DNAH17: variants seen among roughly 807,000 people sequenced by gnomAD.
The protein encoded by DNAH17 is dynein axonemal heavy chain 17, also known as axonemal beta dynein heavy chain 17.
A neutral mutation model predicts 485.6 loss-of-function variants in DNAH17; 376 were observed. The ratio of observed to expected loss-of-function variants is 0.77; its 90% CI spans 0.71 to 0.84. DNAH17 has a LOEUF of 0.84. DNAH17 is among the 40% of genes least tolerant of loss of function. The pLI, the probability that DNAH17 is intolerant of heterozygous loss-of-function variation, is 0.00. For synonymous variants in DNAH17, 3,031 were observed against 2,405.9 expected (o/e 1.26, Z -7.60); for missense variants, 6,370 against 5,839.3 (o/e 1.09, Z -2.96).
intron 51 of DNAH17, among the ~76,000 whole-genome samples, chr17:78,478,290 C>T (rs1382907280): frequency 7.1e-6 from 1 of 140,184 alleles, no homozygotes; most frequent in East Asian, 2.2e-4. Flanking sequence ...CCATTATCAT[C>T]TCCACCACCA....
At chr17:78,447,810 A>T (rs894265919) in intron 69 of DNAH17, among the ~76,000 whole-genome samples, 3 of 152,180 alleles carry the variant, frequency 2.0e-5, no homozygotes, top group Non-Finnish European at 4.4e-5. Context: ...CTGATGCCCA[A>T]CCTGTTTATA....
chr17:78,569,577 G>A (rs1346053316), intron 7 of DNAH17, 50 bp from the exon 8 acceptor site: 3 of 1,567,520 alleles, frequency 1.9e-6, no homozygotes, highest in African/African-American at 2.7e-5. Flanking sequence ...GCCATTTGGG[G>A]TGACGTCCAG....
At chr17:78,469,224 C>A (rs1378970252) in intron 54 of DNAH17, among the ~76,000 whole-genome samples, 1 of 152,202 alleles carries the variant, frequency 6.6e-6, no homozygotes. Flanking sequence ...TCACTGCAAG[C>A]TCCACCTCCC....
rs754262604 is a variant in DNAH17, at chr17:78,437,858, A to G, written c.11816T>C (p.Leu3939Pro). The G allele has an allele frequency of 7.5e-6, 12 of 1,608,974 alleles. No homozygotes were observed. The highest frequency in any genetic ancestry group is 9.3e-6 in the Non-Finnish European group (11 of 1,177,566). ...GHWVILQNIHLVARWLGTLDK... is the reference protein window; with the variant it reads ...GHWVILQNIHPVARWLGTLDK... ...CAGTGTTCCCAGCCACCGGGCCACC[A>G]GGTGGATATTCTGCAGCCAAGACTA... The change falls in exon 74 of 81, where the codon CTG becomes CCG. Residue 3939 changes from leucine to proline, a missense_variant. Physicochemically the swap from Leu to Pro is moderately conservative, Grantham distance 98. Transcript: ENST00000389840.
intron 17 of DNAH17, among the ~76,000 whole-genome samples, chr17:78,542,334 G>A (rs1598685903): frequency 6.6e-6 from 1 of 151,966 alleles, no homozygotes; most frequent in Admixed American, 6.6e-5. Context: ...TTTTAGTAGA[G>A]ACAGGGTTTC....
At chr17:78,505,208 G>A (rs1338001126) in intron 31 of DNAH17, 85 bp downstream of exon 31, 36 of 1,555,412 alleles carry the variant, frequency 2.3e-5, no homozygotes, top group East Asian at 1.4e-4. Context: ...CTGGTTCTCC[G>A]GACATCGCCA....
At chr17:78,448,550 C>A (rs746993725) in intron 69 of DNAH17, among the ~76,000 whole-genome samples, 8 of 152,050 alleles carry the variant, frequency 5.3e-5, no homozygotes, top group Non-Finnish European at 1.0e-4. Flanking sequence ...GCAACAACAA[C>A]AAAAACTAGT....
intron 69 of DNAH17, among the ~76,000 whole-genome samples, chr17:78,448,964 G>A (rs1322263759): frequency 2.6e-5 from 4 of 152,166 alleles, no homozygotes; most frequent in African/African-American, 9.7e-5. Flanking sequence ...AATTAAGACA[G>A]GCTGTTTAAT....
In DNAH17 at chr17:78,569,264, G is replaced by A; in HGVS notation, c.1198-12C>T. 2 of 1,599,932 alleles carry A rather than the reference G, an allele frequency of 1.3e-6. No homozygotes were observed. Among genetic ancestry groups the A allele is most frequent in the Non-Finnish European group, 1.7e-6 (2 of 1,173,032 alleles). ...ACGGGCTCTTTGTCCTTAGAGGAGA[G>A]AAAGAGAGATGAGGCCACGTTTGCT... On this transcript the variant is annotated splice_polypyrimidine_tract_variant and intron_variant, in intron 8 of 80. Transcript: ENST00000389840.
rs1200669389 is a variant in DNAH17 at position 78,543,287 on chromosome 17, G to GTATTTTTTTTTTT, written c.2532+569_2532+570insAAAAAAAAAAATA. On this transcript the variant is annotated intron_variant, in intron 17 of 80. Coordinates refer to ENST00000389840, the MANE Select transcript of DNAH17 (RefSeq NM_173628.4). ...GTGCCAACGTGCCCGGTTAATTTTT[G>GTATTTTTTTTTTT]TTTTTTTTTTTTTTGAGACGGAGTC... Among the ~76,000 whole-genome samples the GTATTTTTTTTTTT allele has an allele frequency of 1.2e-4, 17 of 139,220 alleles. 1 individual carries two copies. Among genetic ancestry groups the GTATTTTTTTTTTT allele is most frequent in the African/African-American group, 4.6e-4 (17 of 36,636 alleles). 91.3% of individuals were successfully genotyped at this position (139,220 alleles called of 152,430 possible).
intron 29 of DNAH17, 133 bp from the exon 30 acceptor site, chr17:78,506,979 C>T: frequency 7.5e-7 from 1 of 1,329,040 alleles, no homozygotes; most frequent in Non-Finnish European, 1.0e-6. Context: ...TGGTTTAATT[C>T]AGAATCTCCT....
At chr17:78,554,833 G>A (rs916752398) in intron 14 of DNAH17, among the ~76,000 whole-genome samples, 4 of 152,020 alleles carry the variant, frequency 2.6e-5, no homozygotes, top group Non-Finnish European at 5.9e-5. Context: ...TGCAACCTCC[G>A]CCTGCCAGGT....
chr17:78,464,143 G>A (rs572636363), intron 56 of DNAH17, among the ~76,000 whole-genome samples: 2 of 152,294 alleles, frequency 1.3e-5, no homozygotes, highest in Admixed American at 6.5e-5. Flanking sequence ...AATAAAGGGA[G>A]GTTTATTCCA....
intron 52 of DNAH17, among the ~76,000 whole-genome samples, chr17:78,476,142 A>T (rs963977221): frequency 2.0e-5 from 3 of 152,188 alleles, no homozygotes; most frequent in African/African-American, 7.2e-5. Flanking sequence ...TCTCCACCCC[A>T]AGTGGACAGA....
intron 51 of DNAH17, among the ~76,000 whole-genome samples, chr17:78,477,788 G>A (rs1191678887): frequency 1.3e-5 from 2 of 152,182 alleles, no homozygotes; most frequent in African/African-American, 4.8e-5. Flanking sequence ...TGTTGGAGAA[G>A]GAGAAAATGG....
rs563280844 is a variant in DNAH17, at chr17:78,543,445, C to T, written c.2532+412G>A. Among the ~76,000 whole-genome samples the T allele has an allele frequency of 5.1e-4, 77 of 152,188 alleles. 3 individuals carry two copies. The South Asian group carries it at 0.015, about 30-fold the overall frequency. ...AGCTGGGACTACAAGCGCCCGCCAC[C>T]GCGCCCGGCTAATTTTTTGTATTTT... On this transcript the variant is annotated intron_variant, in intron 17 of 80. Coordinates refer to ENST00000389840, the MANE Select transcript of DNAH17 (RefSeq NM_173628.4).
intron 40 of DNAH17, 133 bp from the exon 41 acceptor site, chr17:78,494,306 G>A: frequency 7.6e-7 from 1 of 1,318,888 alleles, no homozygotes; most frequent in Non-Finnish European, 1.0e-6. Flanking sequence ...ACGTGCGTCT[G>A]CAAGTTCTGC....
chr17:78,541,827 C>G (rs527968281), intron 17 of DNAH17, among the ~76,000 whole-genome samples: 1 of 152,284 alleles, frequency 6.6e-6, no homozygotes, highest in Non-Finnish European at 1.5e-5. Flanking sequence ...AGAGTGTTAA[C>G]AAGCTAATCA....
intron 27 of DNAH17, among the ~76,000 whole-genome samples, chr17:78,508,375 C>G (rs1416109651): frequency 2.6e-5 from 4 of 152,222 alleles, no homozygotes; most frequent in Admixed American, 6.5e-5. Context: ...ACAGCTCTCA[C>G]CTTCCAGCCT....
Sources: allele counts gnomAD v4.1 joint callset (sites outside exome capture counted in the v4.1 genomes callset), GRCh38; gene constraint gnomAD v4.1.1; transcripts MANE v1.5; gene names NCBI Gene and HGNC (gene_info 2026-07-23, HGNC 2026-07-21).